The following RBFOX2 variants were observed in gnomAD, a reference collection of about 807,000 sequenced individuals.
The protein encoded by RBFOX2 is RNA binding fox-1 homolog 2, also known as RNA binding protein fox-1 homolog 2.
In RBFOX2, 10 loss-of-function variants were observed where a neutral mutation model predicts 49.1. That is an observed-to-expected ratio of 0.20 (90% confidence interval 0.13 to 0.35). RBFOX2 has a LOEUF of 0.35. Among genes scored for constraint, RBFOX2 ranks in the 10% least tolerant of loss-of-function variants. RBFOX2 has a pLI of 1.00. For synonymous variants in RBFOX2, 183 were observed against 187.4 expected (o/e 0.98, Z 0.19); for missense variants, 323 against 486.9 (o/e 0.66, Z 3.17).
intron 1 of RBFOX2, among the ~76,000 whole-genome samples, chr22:35,936,443 G>A (rs904378288): frequency 1.3e-5 from 2 of 152,102 alleles, no homozygotes; most frequent in South Asian, 4.1e-4. Context: ...CGCAAAGTGA[G>A]AGTTCACAAG....
intron 1 of RBFOX2, among the ~76,000 whole-genome samples, chr22:35,832,650 T>C (rs1234900956): frequency 1.3e-5 from 2 of 151,918 alleles, no homozygotes; most frequent in African/African-American, 4.8e-5. Flanking sequence ...CTGGCCAACA[T>C]GGTGAAACCC....
chr22:35,852,907 A>G (rs1338119889), intron 1 of RBFOX2, among the ~76,000 whole-genome samples: 1 of 152,198 alleles, frequency 6.6e-6, no homozygotes, highest in African/African-American at 2.4e-5. Flanking sequence ...TGATCCCCAA[A>G]TGTTATTGAA....
intron 1 of RBFOX2, among the ~76,000 whole-genome samples, chr22:35,915,412 C>T (rs1403733742): frequency 1.3e-5 from 2 of 152,140 alleles, no homozygotes; most frequent in East Asian, 3.8e-4. Context: ...ATCTTATTAC[C>T]CCAAACAACT....
At chr22:35,950,789 G>A (rs1385258487) in intron 1 of RBFOX2, among the ~76,000 whole-genome samples, 1 of 152,016 alleles carries the variant, frequency 6.6e-6, no homozygotes, top group East Asian at 1.9e-4. Context: ...CGGTCCCGGG[G>A]TAGCTGCTTA....
chr22:35,882,421 G>A (rs1196092811), intron 1 of RBFOX2, among the ~76,000 whole-genome samples: 1 of 152,152 alleles, frequency 6.6e-6, no homozygotes, highest in Non-Finnish European at 1.5e-5. Flanking sequence ...GAGGAGAACT[G>A]ATATAATCAG....
chr22:35,743,220 T>C (rs998420026), exon 12 of RBFOX2: 1 of 152,230 alleles, frequency 6.6e-6, no homozygotes, highest in Non-Finnish European at 1.5e-5. Flanking sequence ...TTAATGGCTG[T>C]CAACAATTTG....
At chr22:35,875,959 T>C (rs2045025756) in intron 1 of RBFOX2, among the ~76,000 whole-genome samples, 1 of 152,220 alleles carries the variant, frequency 6.6e-6, no homozygotes, top group Non-Finnish European at 1.5e-5. Context: ...GTAGTTAAAA[T>C]TTAGTTTACT....
chr22:35,910,232 T>C lies in RBFOX2; in HGVS notation c.-34+28615A>G, dbSNP rs1351981463. Among the ~76,000 whole-genome samples the C allele has an allele frequency of 3.3e-5, 5 of 152,380 alleles. No individual in the cohort carries two copies. In the East Asian group the frequency reaches 9.6e-4, roughly 29 times the overall value. ...ACACATTGTACGTGAGTCATACTGA[T>C]GCTGTGTTATTCAATTCATTATATT... On this transcript the variant is annotated intron_variant, in intron 1 of 13. Coordinates refer to the RBFOX2 transcript ENST00000359369.
chr22:35,918,786 C>T (rs2050708159), intron 1 of RBFOX2, among the ~76,000 whole-genome samples: 1 of 152,154 alleles, frequency 6.6e-6, no homozygotes, highest in Non-Finnish European at 1.5e-5. Context: ...TGCCACTCTG[C>T]TACAAACAAT....
intron 1 of RBFOX2, among the ~76,000 whole-genome samples, chr22:35,832,122 AG>A (rs1956920609): frequency 6.6e-6 from 1 of 152,256 alleles, no homozygotes. Context: ...CAGTAATCCC[AG>A]CACTTTGGGA....
chr22:35,820,679 T>TA (rs1398178760), intron 1 of RBFOX2, among the ~76,000 whole-genome samples: 1 of 152,220 alleles, frequency 6.6e-6, no homozygotes, highest in African/African-American at 2.4e-5. Flanking sequence ...GTGGCTGCCT[T>TA]AAAATCTCTC....
At chr22:35,954,367 G>T (rs1353105413) in intron 1 of RBFOX2, among the ~76,000 whole-genome samples, 1 of 152,186 alleles carries the variant, frequency 6.6e-6, no homozygotes, top group Non-Finnish European at 1.5e-5. Context: ...AAGCAGTATG[G>T]ATGGTATTGT....
chr22:35,899,723 TAA>T (rs1353303382), intron 1 of RBFOX2, among the ~76,000 whole-genome samples: 4 of 152,146 alleles, frequency 2.6e-5, no homozygotes, highest in African/African-American at 7.2e-5. Context: ...CTCCACACTA[TAA>T]AGAGACTCTA....
At chr22:36,016,424 C>A (rs2059038506) in intron 1 of RBFOX2, among the ~76,000 whole-genome samples, 1 of 152,070 alleles carries the variant, frequency 6.6e-6, no homozygotes, top group Admixed American at 6.5e-5. Flanking sequence ...ATAAATCATG[C>A]TTTGCTTGTG....
At chr22:35,880,257 G>A (rs1392301384) in intron 1 of RBFOX2, among the ~76,000 whole-genome samples, 1 of 152,180 alleles carries the variant, frequency 6.6e-6, no homozygotes, top group Non-Finnish European at 1.5e-5. Context: ...GAGGGAGAAA[G>A]AGGAGTCCAG....
intron 1 of RBFOX2, among the ~76,000 whole-genome samples, chr22:35,933,929 TATATATA>T (rs1569498182): frequency 1.5e-4 from 17 of 111,586 alleles, no homozygotes; most frequent in South Asian, 3.0e-4. Context: ...TTAAATGTTA[TATATATA>T]TATATATATA....
intron 2 of RBFOX2, among the ~76,000 whole-genome samples, chr22:35,797,431 T>C (rs1009914381): frequency 6.6e-6 from 1 of 152,262 alleles, no homozygotes; most frequent in Non-Finnish European, 1.5e-5. Flanking sequence ...AAGTGCTTTA[T>C]GAATACTTTT....
At chr22:35,874,829 A>G (rs2044809710) in intron 1 of RBFOX2, among the ~76,000 whole-genome samples, 1 of 152,222 alleles carries the variant, frequency 6.6e-6, no homozygotes, top group South Asian at 2.1e-4. Context: ...CCCAACTCCA[A>G]GTTCCTATGT....
intron 1 of RBFOX2, among the ~76,000 whole-genome samples, chr22:35,863,728 G>A (rs2043355684): frequency 6.6e-6 from 1 of 152,212 alleles, no homozygotes; most frequent in African/African-American, 2.4e-5. Flanking sequence ...TGGTTTGAAG[G>A]AGATAAATGC....
Sources: gnomAD v4.1 joint callset for allele counts (sites outside exome capture counted in the v4.1 genomes callset) on GRCh38, gnomAD v4.1.1 for gene constraint, MANE v1.5 for transcripts, NCBI Gene and HGNC (gene_info 2026-07-23, HGNC 2026-07-21) for gene names.